Variants in PCCA observed in about 807,000 individuals in gnomAD.
PCCA encodes the protein propionyl-CoA carboxylase subunit alpha, also known as propionyl-CoA carboxylase alpha chain, mitochondrial.
A neutral mutation model predicts 101.3 loss-of-function variants in PCCA; 74 were observed. That is an observed-to-expected ratio of 0.73 (90% CI 0.61 to 0.89). The LOEUF is 0.89. Among genes scored for constraint, PCCA ranks in the 40% least tolerant of loss-of-function variants. PCCA has a pLI of 0.00. For missense variants in PCCA, 891 were observed against 907.0 expected, an observed-to-expected ratio of 0.98 and a Z score of 0.23; for synonymous variants, 294 against 313.6, an observed-to-expected ratio of 0.94 and a Z score of 0.66.
intron 6 of PCCA, among the ~76,000 whole-genome samples, chr13:100,197,106 G>A (rs1351567747): frequency 6.6e-6 from 1 of 152,176 alleles, no homozygotes; most frequent in Non-Finnish European, 1.5e-5. Context: ...TAGTACCAGT[G>A]CACATCCTTA....
At chr13:100,342,669 G>A (rs994597915) in intron 18 of PCCA, among the ~76,000 whole-genome samples, 1 of 151,162 alleles carries the variant, frequency 6.6e-6, no homozygotes, top group Non-Finnish European at 1.5e-5. Context: ...TTTGCTTGTG[G>A]TGCTACCTGC....
intron 16 of PCCA, among the ~76,000 whole-genome samples, chr13:100,329,808 T>C (rs116682875): frequency 0.014 from 2,151 of 152,262 alleles, 49 homozygotes; most frequent in African/African-American, 0.05. Flanking sequence ...GGTCACTGTT[T>C]AGTGGTCTGT....
intron 19 of PCCA, among the ~76,000 whole-genome samples, chr13:100,420,062 G>T (rs868073531): frequency 6.6e-6 from 1 of 152,222 alleles, no homozygotes; most frequent in African/African-American, 2.4e-5. Flanking sequence ...AATATTGTCT[G>T]CCTTGAAAGG....
chr13:100,364,034 A>G (rs1240977318), intron 18 of PCCA, among the ~76,000 whole-genome samples: 4 of 152,078 alleles, frequency 2.6e-5, no homozygotes, highest in Non-Finnish European at 4.4e-5. Context: ...TAGAGCTATT[A>G]TTTTATTTGC....
intron 16 of PCCA, among the ~76,000 whole-genome samples, chr13:100,319,517 G>T (rs1369430059): frequency 6.6e-6 from 1 of 152,096 alleles, no homozygotes; most frequent in African/African-American, 2.4e-5. Flanking sequence ...TTTGTATAAG[G>T]TGTAAGGAAG....
intron 6 of PCCA, among the ~76,000 whole-genome samples, chr13:100,181,527 A>G (rs891606055): frequency 3.9e-5 from 6 of 152,060 alleles, no homozygotes; most frequent in African/African-American, 1.4e-4. Context: ...GGCTCAAGCA[A>G]TCCTCCCACC....
At chr13:100,506,022 C>G (rs1250263642) in intron 21 of PCCA, among the ~76,000 whole-genome samples, 1 of 152,176 alleles carries the variant, frequency 6.6e-6, no homozygotes, top group Admixed American at 6.5e-5. Flanking sequence ...TACTCAAGAC[C>G]TGTATTAGCT....
intron 20 of PCCA, among the ~76,000 whole-genome samples, chr13:100,444,295 C>T (rs1311298049): frequency 6.6e-6 from 1 of 151,624 alleles, no homozygotes; most frequent in Non-Finnish European, 1.5e-5. Flanking sequence ...ACCTCCACCT[C>T]CCAGGTTCAA....
chr13:100,225,778 T>TA (rs2152504536), intron 7 of PCCA, among the ~76,000 whole-genome samples: 1 of 152,340 alleles, frequency 6.6e-6, no homozygotes, highest in South Asian at 2.1e-4. Flanking sequence ...AAAAGTGTAC[T>TA]AAATTTTAGA....
intron 4 of PCCA, among the ~76,000 whole-genome samples, chr13:100,113,735 C>A (rs532637450): frequency 1.3e-5 from 2 of 151,926 alleles, no homozygotes; most frequent in East Asian, 1.9e-4. Flanking sequence ...TGTGTCACCA[C>A]GCTCGGCTAA....
rs965293674 is a variant in PCCA at position 100,111,178 on chromosome 13, CTTTTTTTTTTTT to C, written c.184-648_184-637del. 2.2e-4 allele frequency among the ~76,000 whole-genome samples: 22 copies of C among 98,532 alleles called. No individual in the cohort carries two copies. The South Asian group carries it at 4.1e-3, about 18-fold the overall frequency. 64.6% of individuals were successfully genotyped at this position (98,532 alleles called of 152,430 possible). A position where few individuals can be genotyped will look rare whatever the true frequency, so the allele number is the denominator to read the frequency against. ...AGGCGCGTACCACTAGACCCAGCTCCTTTTTTTTTTTTTTTTTTTTTTTTTTGTATTTTTAGT... is the reference window on the plus strand; with the variant it reads ...AGGCGCGTACCACTAGACCCAGCTCCTTTTTTTTTTTTTTGTATTTTTAGT... On this transcript the variant is annotated intron_variant, in intron 2 of 23. Coordinates refer to ENST00000376285, the MANE Select transcript of PCCA (RefSeq NM_000282.4).
At chr13:100,489,429 T>C (rs1470344415) in intron 21 of PCCA, among the ~76,000 whole-genome samples, 1 of 152,244 alleles carries the variant, frequency 6.6e-6, no homozygotes, top group Non-Finnish European at 1.5e-5. Context: ...AAGAAAAGAT[T>C]GACCATCTAG....
intron 6 of PCCA, among the ~76,000 whole-genome samples, chr13:100,161,883 T>C: frequency 6.6e-6 from 1 of 152,232 alleles, no homozygotes; most frequent in East Asian, 1.9e-4. Flanking sequence ...CATTATTATA[T>C]TTTCCATTTT....
intron 4 of PCCA, among the ~76,000 whole-genome samples, chr13:100,117,768 A>G (rs1016282945): frequency 6.6e-6 from 1 of 151,748 alleles, no homozygotes. Flanking sequence ...AACTTAAAGT[A>G]TATATATATA....
chr13:100,252,762 C>T (rs2061837766), intron 8 of PCCA, among the ~76,000 whole-genome samples: 1 of 152,216 alleles, frequency 6.6e-6, no homozygotes. Flanking sequence ...TCTTCCACAT[C>T]CAAACTGTCG....
Position 100,231,962 on chromosome 13 carries a change from T to C in PCCA, c.601-3880T>C, listed in dbSNP as rs545087816. On this transcript the variant is annotated intron_variant, in intron 7 of 23. Transcript: ENST00000376285. ...GTTCAAATGTGTATTTCTGTCTTAA[T>C]GTAGGTAAGGTCATACGCTATGTAC... is the stretch of plus-strand genomic sequence containing the variant. 3.9e-5 allele frequency among the ~76,000 whole-genome samples: 6 copies of C among 152,344 alleles called. No homozygotes were observed. The East Asian group carries it at 1.2e-3, about 29-fold the overall frequency.
At chr13:100,320,120 C>T (rs1221403533) in intron 16 of PCCA, among the ~76,000 whole-genome samples, 1 of 152,102 alleles carries the variant, frequency 6.6e-6, no homozygotes, top group Non-Finnish European at 1.5e-5. Flanking sequence ...TGATTTGGCT[C>T]TCTGTTTGTC....
chr13:100,327,147 G>A (rs962766571), intron 16 of PCCA, among the ~76,000 whole-genome samples: 2 of 152,054 alleles, frequency 1.3e-5, no homozygotes, highest in Non-Finnish European at 2.9e-5. Context: ...ATACACCTGT[G>A]AAACCATTAC....
chr13:100,276,135 G>A (rs2063637879), intron 12 of PCCA, among the ~76,000 whole-genome samples: 1 of 149,398 alleles, frequency 6.7e-6, no homozygotes, highest in Non-Finnish European at 1.5e-5. Flanking sequence ...CAGTGCTTTG[G>A]GAGGCTGAGG....
Sources: gnomAD v4.1 joint callset for allele counts (sites outside exome capture counted in the v4.1 genomes callset) on GRCh38, gnomAD v4.1.1 for gene constraint, MANE v1.5 for transcripts, NCBI Gene and HGNC (gene_info 2026-07-23, HGNC 2026-07-21) for gene names.